Variants in MAEA observed in about 807,000 individuals in gnomAD.
MAEA encodes macrophage erythroblast attacher, E3 ubiquitin ligase, also known as E3 ubiquitin-protein transferase MAEA.
A neutral mutation model predicts 46.2 loss-of-function variants in MAEA; 22 were observed. The observed-to-expected ratio is 0.48, with a 90% CI of 0.34 to 0.68. MAEA has a LOEUF of 0.68. MAEA is among the 30% of genes least tolerant of loss of function. The pLI is 0.01. For missense variants in MAEA, 393 were observed against 558.1 expected (o/e 0.70, Z 2.98); for synonymous variants, 246 against 222.6 (o/e 1.11, Z -0.94).
intron 3 of MAEA, among the ~76,000 whole-genome samples, chr4:1,320,091 A>G (rs543837541): frequency 2.6e-5 from 4 of 151,578 alleles, no homozygotes; most frequent in Non-Finnish European, 2.9e-5. Context: ...CAGAAAAGAA[A>G]TCATCAAAGC....
At chr4:1,337,108 C>T (rs1250511627) in intron 7 of MAEA, 114 bp downstream of exon 7, 2 of 1,331,186 alleles carry the variant, frequency 1.5e-6, no homozygotes, top group Non-Finnish European at 2.1e-6. Flanking sequence ...CAGACAGCCC[C>T]GAGCTCCCGT....
At chr4:1,317,075 A>C (rs563278437) in intron 3 of MAEA, among the ~76,000 whole-genome samples, 11 of 22,368 alleles carry the variant, frequency 4.9e-4, no homozygotes, top group Admixed American at 1.8e-3. Flanking sequence ...CCCCAGGCCC[A>C]CCCCGGCCCC....
In MAEA at chr4:1,293,341, A is replaced by T. The variant is rs184781350; in HGVS notation, c.69+3359A>T. On this transcript the variant is annotated intron_variant, in intron 1 of 8. Transcript: ENST00000303400. ...AGGAGATCCAGGCTGTGGTGAACCG[A>T]GATTGCACCACTGCCCTCCAGCCTG... Among the ~76,000 whole-genome samples, 689 of 152,210 alleles carry T rather than the reference A, an allele frequency of 4.5e-3. 3 individuals are homozygous for T. The highest frequency in any genetic ancestry group is 9.1e-3 in the South Asian group (44 of 4,832).
At chr4:1,292,525 C>T (rs1015698319) in intron 1 of MAEA, among the ~76,000 whole-genome samples, 3 of 152,108 alleles carry the variant, frequency 2.0e-5, no homozygotes, top group Admixed American at 6.5e-5. Flanking sequence ...AGGGGTGGAC[C>T]GGCCTGCGAA....
chr4:1,330,083 T>C, intron 5 of MAEA: 1 of 985,518 alleles, frequency 1.0e-6, no homozygotes, highest in African/African-American at 1.7e-5. Context: ...AGCTCCGCCC[T>C]GCCTGGGGCA....
intron 4 of MAEA, among the ~76,000 whole-genome samples, chr4:1,325,304 C>T (rs936463997): frequency 3.3e-5 from 5 of 152,204 alleles, no homozygotes; most frequent in African/African-American, 1.2e-4. Context: ...GTTTGCTGCA[C>T]GTCTGTGCGA....
intron 1 of MAEA, among the ~76,000 whole-genome samples, chr4:1,305,179 T>C (rs567096364): frequency 6.6e-6 from 1 of 152,322 alleles, no homozygotes; most frequent in East Asian, 1.9e-4. Flanking sequence ...TAATTTCCTC[T>C]TGCGGTTTGC....
At position 1,318,139 on chromosome 4, in the gene MAEA, C is replaced by T. The variant is rs372950450; in HGVS notation, c.456+2539C>T. Among the ~76,000 whole-genome samples, 291 of 152,334 alleles carry T rather than the reference C, an allele frequency of 1.9e-3. 1 individual carries two copies. The highest frequency in any genetic ancestry group is 6.3e-3 in the African/African-American group (260 of 41,584). On this transcript the variant is annotated intron_variant, in intron 3 of 8. Coordinates refer to ENST00000303400, the MANE Select transcript of MAEA (RefSeq NM_001017405.3). The stretch of plus-strand genomic sequence containing the variant: ...TCCCCCAATGCACAGGCCCTCGCTC[C>T]GTGCTGCCCACATGTCCTGGCTGCC...
chr4:1,296,738 A>T (rs1420583735), intron 1 of MAEA, among the ~76,000 whole-genome samples: 1 of 150,098 alleles, frequency 6.7e-6, no homozygotes, highest in African/African-American at 2.5e-5. Flanking sequence ...CCAACACTCC[A>T]CCCAGATGTT....
In MAEA at chr4:1,339,388, C is replaced by T. The variant is rs1271461139; in HGVS notation, c.*219C>T. The T allele has an allele frequency of 1.4e-5, 8 of 560,158 alleles. No homozygotes were observed. The highest frequency in any genetic ancestry group is 6.8e-5 in the Admixed American group (2 of 29,524). The allele number at this position is 560,158 out of a possible 1,614,324, so 34.7% of individuals were successfully genotyped here. A position where few individuals can be genotyped will look rare whatever the true frequency, so the allele number is the denominator to read the frequency against. ...TGGTAGGATTTTGTAACACGTCAACCATTTGATGCTTCTGAAAAGTACTTT... is the reference window on the plus strand; with the variant it reads ...TGGTAGGATTTTGTAACACGTCAACTATTTGATGCTTCTGAAAAGTACTTT... On this transcript the variant is annotated 3_prime_UTR_variant, in exon 9 of 9. Coordinates refer to ENST00000303400, the MANE Select transcript of MAEA (RefSeq NM_001017405.3).
intron 5 of MAEA, chr4:1,332,467 C>T: frequency 3.2e-6 from 1 of 308,086 alleles, no homozygotes; most frequent in African/African-American, 2.2e-5. Flanking sequence ...ATAATCCCAG[C>T]ACTTTGGGAG....
At chr4:1,327,555 C>A (rs899513454) in intron 4 of MAEA, 72 bp from the exon 5 acceptor site, 4 of 1,010,758 alleles carry the variant, frequency 4.0e-6, no homozygotes, top group African/African-American at 1.6e-5. Flanking sequence ...GGTGGACATG[C>A]GGGTGCGGCA....
intron 4 of MAEA, chr4:1,323,636 G>A: frequency 1.4e-6 from 1 of 702,326 alleles, no homozygotes; most frequent in Non-Finnish European, 2.6e-6. Context: ...CCACTACACA[G>A]TGCCAGCCCC....
intron 1 of MAEA, among the ~76,000 whole-genome samples, chr4:1,293,603 C>T (rs1003629688): frequency 6.6e-6 from 1 of 152,184 alleles, no homozygotes; most frequent in African/African-American, 2.4e-5. Context: ...GGACCTGGCT[C>T]CTCTCTGTGA....
At chr4:1,328,900 C>T in intron 5 of MAEA, 2 of 1,013,528 alleles carry the variant, frequency 2.0e-6, no homozygotes, top group Non-Finnish European at 2.4e-6. Context: ...AAGCGGGGAT[C>T]TCGGGACCCG....
chr4:1,309,301 TCAC>T (rs1736139386), intron 1 of MAEA: 1 of 430,334 alleles, frequency 2.3e-6, no homozygotes, highest in African/African-American at 2.3e-5. Flanking sequence ...GAAATTCCAC[TCAC>T]TCGGTCACCA....
intron 1 of MAEA, among the ~76,000 whole-genome samples, chr4:1,310,991 C>T (rs993346563): frequency 1.3e-5 from 2 of 152,222 alleles, no homozygotes; most frequent in African/African-American, 2.4e-5. Context: ...CGTGGCCTCA[C>T]GGCTAAGCAC....
intron 2 of MAEA, among the ~76,000 whole-genome samples, chr4:1,313,705 G>A (rs1042543036): frequency 2.6e-5 from 4 of 151,314 alleles, no homozygotes; most frequent in Admixed American, 6.6e-5. Flanking sequence ...CTAGCTGGGC[G>A]ACAGCGAGAC....
chr4:1,314,060 G>A (rs951591846), intron 2 of MAEA, among the ~76,000 whole-genome samples: 1 of 152,138 alleles, frequency 6.6e-6, no homozygotes. Context: ...AGGCACAGTG[G>A]CTCACGCCTG....
Sources: allele counts gnomAD v4.1 joint callset (sites outside exome capture counted in the v4.1 genomes callset), GRCh38; gene constraint gnomAD v4.1.1; transcripts MANE v1.5; gene names NCBI Gene and HGNC (gene_info 2026-07-23, HGNC 2026-07-21).